SYTL2: variants seen among roughly 807,000 people sequenced by gnomAD.
SYTL2 encodes the protein synaptotagmin-like protein 2.
SYTL2 carries 165 observed loss-of-function variants against 198.7 expected under a neutral mutation model. The ratio of observed to expected loss-of-function variants is 0.83; its 90% confidence interval spans 0.73 to 0.94. SYTL2 has a LOEUF of 0.94. SYTL2 is among the 40% of genes least tolerant of loss of function. The pLI, the probability that SYTL2 is intolerant of heterozygous loss-of-function variation, is 0.00. For synonymous variants in SYTL2, 966 were observed against 917.7 expected, an observed-to-expected ratio of 1.05 and a Z score of -0.95; for missense variants, 2,835 against 2,582.8, an observed-to-expected ratio of 1.10 and a Z score of -2.12.
the SYTL2 span, chr11:85,852,663 C>G: frequency 5.3e-6 from 1 of 187,900 alleles, no homozygotes; most frequent in Non-Finnish European, 1.0e-5. Flanking sequence ...GACGGAGTCT[C>G]GTTCACTCAG....
In SYTL2 at chr11:85,748,427, C is replaced by T. The variant is rs760485121; in HGVS notation, c.102-4G>A. 15 of 1,613,378 alleles carry T rather than the reference C, an allele frequency of 9.3e-6. No homozygotes were observed. In the African/African-American group the frequency reaches 1.2e-4, roughly 13 times the overall value. On this transcript the variant is annotated splice_polypyrimidine_tract_variant and splice_region_variant and intron_variant, in intron 2 of 19. Transcript: ENST00000359152. ...CTTAATTTTTTCAGGCAAATGTCTA[C>T]AAAAGGAAAAGATCTTTAGTTTGCT...
chr11:85,831,591 TA>T, the SYTL2 span, among the ~76,000 whole-genome samples: 1 of 152,202 alleles, frequency 6.6e-6, no homozygotes, highest in East Asian at 1.9e-4. Flanking sequence ...TTTTCTATTT[TA>T]AAAAACAGAT....
At chr11:85,772,607 C>A (rs1375159841) in intron 1 of SYTL2, among the ~76,000 whole-genome samples, 3 of 152,236 alleles carry the variant, frequency 2.0e-5, no homozygotes, top group Non-Finnish European at 2.9e-5. Flanking sequence ...GAATGACCAA[C>A]CATATCTAAA....
intron 1 of SYTL2, among the ~76,000 whole-genome samples, chr11:85,809,974 C>G (rs780674120): frequency 2.0e-5 from 3 of 152,190 alleles, no homozygotes; most frequent in Non-Finnish European, 4.4e-5. Context: ...GCTGCTCCAT[C>G]CAGCAGACAG....
chr11:85,712,786 G>C (rs537643208), intron 12 of SYTL2, among the ~76,000 whole-genome samples: 4 of 151,036 alleles, frequency 2.6e-5, no homozygotes, highest in African/African-American at 9.8e-5. Flanking sequence ...GCACAATCTC[G>C]GCTCACTACA....
chr11:85,845,814 G>T, the SYTL2 span, among the ~76,000 whole-genome samples: 2 of 152,260 alleles, frequency 1.3e-5, no homozygotes, highest in East Asian at 3.9e-4. Flanking sequence ...TACTTGGGAG[G>T]CTGAGGCAGG....
rs1389887739 is a variant in SYTL2 at position 85,694,405 on chromosome 11, A to G, written c.*790T>C. 1 of 152,272 alleles carries G rather than the reference A, an allele frequency of 6.6e-6. No homozygotes were observed. The highest frequency in any genetic ancestry group is 1.5e-5 in the Non-Finnish European group (1 of 68,040). 9.4% of individuals were successfully genotyped at this position (152,272 alleles called of 1,614,324 possible). A position where few individuals can be genotyped will look rare whatever the true frequency, so the allele number is the denominator to read the frequency against. On this transcript the variant is annotated 3_prime_UTR_variant, in exon 20 of 20. Coordinates refer to ENST00000359152, the MANE Select transcript of SYTL2 (RefSeq NM_206927.4). ...TCTAATTAAAACTTTGTTGCAAAAC[A>G]TGTTTGTGACTACTCTTATGCTGCT...
chr11:85,765,549 T>C (rs2092218416), intron 1 of SYTL2, among the ~76,000 whole-genome samples: 1 of 152,224 alleles, frequency 6.6e-6, no homozygotes, highest in South Asian at 2.1e-4. Flanking sequence ...CCATTTTTTA[T>C]AGAGCCAACT....
intron 1 of SYTL2, among the ~76,000 whole-genome samples, chr11:85,786,499 A>G (rs933682491): frequency 2.0e-5 from 3 of 152,224 alleles, no homozygotes; most frequent in Admixed American, 2.0e-4. Context: ...GGTAAAGGGT[A>G]CACGGATCTC....
intron 7 of SYTL2, 60 bp downstream of exon 7, chr11:85,733,879 G>A (rs745349170): frequency 1.8e-5 from 26 of 1,433,530 alleles, no homozygotes; most frequent in African/African-American, 2.8e-5. Flanking sequence ...GATTACAGGC[G>A]TGAGCCACCG....
chr11:85,752,875 A>T (rs2091599262), intron 2 of SYTL2, among the ~76,000 whole-genome samples: 1 of 139,426 alleles, frequency 7.2e-6, no homozygotes. Flanking sequence ...AAACACCATG[A>T]GAGGTCCTGG....
the SYTL2 span, among the ~76,000 whole-genome samples, chr11:85,827,862 T>C: frequency 1.3e-5 from 2 of 152,196 alleles, no homozygotes; most frequent in African/African-American, 4.8e-5. Context: ...TAGGTAGTGA[T>C]AAGAATGTGT....
rs1460588304 is a variant in SYTL2 at position 85,790,696 on chromosome 11, G to A, written c.-390+20258C>T. Among the ~76,000 whole-genome samples, 4 of 152,080 alleles carry A rather than the reference G, an allele frequency of 2.6e-5. No individual in the cohort carries two copies. In the East Asian group the frequency reaches 7.7e-4, roughly 29 times the overall value. ...ATAAAGAACAAACTTGAAGATTCTCGCTTGTCTGTTCAGGATAACTGGGAT... is the reference window on the plus strand; with the variant it reads ...ATAAAGAACAAACTTGAAGATTCTCACTTGTCTGTTCAGGATAACTGGGAT... On this transcript the variant is annotated intron_variant, in intron 1 of 19. Coordinates refer to ENST00000359152, the MANE Select transcript of SYTL2 (RefSeq NM_206927.4).
At chr11:85,824,781 T>G in the SYTL2 span, among the ~76,000 whole-genome samples, 4 of 152,260 alleles carry the variant, frequency 2.6e-5, no homozygotes, top group African/African-American at 9.6e-5. Context: ...GTGCGGGCAC[T>G]AGGAGAAGTC....
chr11:85,853,203 G>T, the SYTL2 span: 1 of 414,650 alleles, frequency 2.4e-6, no homozygotes, highest in Non-Finnish European at 4.8e-6. Context: ...GACAATGGCG[G>T]TTTTGTGGAA....
chr11:85,735,714 A>G (rs904979131), intron 6 of SYTL2, among the ~76,000 whole-genome samples: 1 of 152,076 alleles, frequency 6.6e-6, no homozygotes, highest in Non-Finnish European at 1.5e-5. Context: ...CCGAGATTGC[A>G]CCACTGCACT....
the SYTL2 span, among the ~76,000 whole-genome samples, chr11:85,848,332 TTC>T: frequency 3.3e-5 from 5 of 151,870 alleles, no homozygotes; most frequent in African/African-American, 1.2e-4. Context: ...GAAGTTCAAG[TTC>T]TTTTTTTCTT....
At chr11:85,709,193 A>G in intron 14 of SYTL2, 138 bp downstream of exon 14, 1 of 807,334 alleles carries the variant, frequency 1.2e-6, no homozygotes, top group Admixed American at 2.3e-5. Flanking sequence ...AGAATAAAAC[A>G]GCATTTCCCC....
intron 10 of SYTL2, chr11:85,718,500 G>C (rs1190747217): frequency 2.8e-6 from 1 of 361,256 alleles, no homozygotes; most frequent in Non-Finnish European, 5.0e-6. Flanking sequence ...AGTCAGAGTA[G>C]CAAAAATCAG....
Sources: gnomAD v4.1 joint callset for allele counts (sites outside exome capture counted in the v4.1 genomes callset) on GRCh38, gnomAD v4.1.1 for gene constraint, MANE v1.5 for transcripts, NCBI Gene and HGNC (gene_info 2026-07-23, HGNC 2026-07-21) for gene names.